The following TGM3 variants were observed in gnomAD, a reference collection of about 807,000 sequenced individuals.
The protein encoded by TGM3 is protein-glutamine gamma-glutamyltransferase E.
A neutral mutation model predicts 73.8 loss-of-function variants in TGM3; 52 were observed. The ratio of observed to expected loss-of-function variants is 0.70; its 90% CI spans 0.56 to 0.89. The LOEUF (loss-of-function observed/expected upper bound fraction) is 0.89, where lower values mean the gene tolerates loss of function less well. Ranked by LOEUF, TGM3 falls within the 40% of genes least tolerant of loss-of-function variation. TGM3 has a pLI of 0.00. For synonymous variants in TGM3, 372 were observed against 354.9 expected (o/e 1.05, Z -0.54); for missense variants, 928 against 909.9 (o/e 1.02, Z -0.26).
chr20:2,328,145 G>C lies in TGM3; in HGVS notation c.1113G>C (p.Ser371=), dbSNP rs150174609. The C allele has an allele frequency of 3.1e-6, 5 of 1,614,120 alleles. No homozygotes were observed. The South Asian group carries it at 3.3e-5, about 11-fold the overall frequency. ...GGGTGTTCCAGTGCGGCCCCGCTTCGGTCATTGGTGTTCGAGAGGGTGATG... is the reference window on the plus strand; with the variant it reads ...GGGTGTTCCAGTGCGGCCCCGCTTCCGTCATTGGTGTTCGAGAGGGTGATG... ...SQGVFQCGPA[S]VIGVREGDVQ... The change falls in exon 9 of 13, where the codon TCG becomes TCC. Residue 371 remains serine, a synonymous_variant. Transcript: ENST00000381458. The surrounding 1 kb of genome is among the most constrained non-coding windows in gnomAD (Gnocchi z 5.2).
At chr20:2,321,424 G>C (rs1172305726) in intron 7 of TGM3, among the ~76,000 whole-genome samples, 3 of 152,132 alleles carry the variant, frequency 2.0e-5, no homozygotes, top group Non-Finnish European at 4.4e-5. Context: ...TTTTGGCAGA[G>C]GTAGTATCTG....
rs543600653 is a variant in TGM3, at chr20:2,325,724, G to A, written c.984-125G>A. 1.5e-3 allele frequency: 1,086 copies of A among 714,624 alleles called. 17 individuals are homozygous for A. In the South Asian group the frequency reaches 0.016, roughly 11 times the overall value. 44.3% of individuals were successfully genotyped at this position (714,624 alleles called of 1,614,324 possible). On this transcript the variant is annotated intron_variant, in intron 7 of 12. Transcript: ENST00000381458. The stretch of plus-strand genomic sequence containing the variant: ...CTCACCAGGGCTTAGCATAACCGCC[G>A]TCACAGGGCAAACTCACTCGATGCA...
chr20:2,337,654 C>T lies in TGM3; in HGVS notation c.1801-2200C>T, dbSNP rs45505497. 3.5e-4 allele frequency among the ~76,000 whole-genome samples: 50 copies of T among 143,480 alleles called. No homozygotes were observed. In the East Asian group the frequency reaches 5.6e-3, roughly 16 times the overall value. 94.1% of individuals were successfully genotyped at this position (143,480 alleles called of 152,430 possible). On this transcript the variant is annotated intron_variant, in intron 11 of 12. Coordinates refer to ENST00000381458, the MANE Select transcript of TGM3 (RefSeq NM_003245.4). ...AGAATTGCTTGAACCCGAGAGGCAG[C>T]GGTTGCAGTGAGCCGAGATCACACC...
chr20:2,312,856 T>C, intron 4 of TGM3, 42 bp from the exon 5 acceptor site: 2 of 1,611,094 alleles, frequency 1.2e-6, no homozygotes, highest in Non-Finnish European at 1.7e-6. Flanking sequence ...CAACTCTCCT[T>C]GTCATTTCTT....
intron 7 of TGM3, among the ~76,000 whole-genome samples, chr20:2,323,831 A>T (rs1007371396): frequency 1.3e-5 from 2 of 152,170 alleles, no homozygotes; most frequent in African/African-American, 4.8e-5. Flanking sequence ...TGAGGTTAAA[A>T]CTATTTTCAT....
intron 3 of TGM3, among the ~76,000 whole-genome samples, 160 bp downstream of exon 3, chr20:2,310,577 A>G (rs2084198606): frequency 6.6e-6 from 1 of 152,248 alleles, no homozygotes; most frequent in Admixed American, 6.5e-5. Context: ...ACACTTAAGC[A>G]GCTGTCTGAG....
At position 2,313,082 on chromosome 20, in the gene TGM3, A is replaced by G. The variant is rs1436545672; in HGVS notation, c.669+56A>G. ...TGTCATCATATATTGAACACCACCT[A>G]TGAGCTAGGCACGCACACTCTTTAC... On this transcript the variant is annotated intron_variant, in intron 5 of 12. Transcript: ENST00000381458. 23 of 1,608,374 alleles carry G rather than the reference A, an allele frequency of 1.4e-5. No homozygotes were observed. The African/African-American group carries it at 1.5e-4, about 10-fold the overall frequency.
intron 1 of TGM3, among the ~76,000 whole-genome samples, chr20:2,306,134 A>G (rs2084175414): frequency 6.6e-6 from 1 of 152,112 alleles, no homozygotes; most frequent in South Asian, 2.1e-4. Flanking sequence ...ACAGCAAACA[A>G]TGCATGAACT....
At chr20:2,310,054 T>A in intron 2 of TGM3, 124 bp from the exon 3 acceptor site, 3 of 1,460,376 alleles carry the variant, frequency 2.1e-6, no homozygotes, top group Non-Finnish European at 2.8e-6. Flanking sequence ...TCCAGTTACT[T>A]CCAGTGGTAG....
Position 2,325,980 on chromosome 20 carries a change from C to G in TGM3, c.1087+28C>G, listed in dbSNP as rs758724894. Reference sequence around the variant, plus strand: ...AACTTCTCTGGGTGTGGTTCTGAGTCGTGAGCCTCACAGTTATTTACAGCC... The same window carrying G: ...AACTTCTCTGGGTGTGGTTCTGAGTGGTGAGCCTCACAGTTATTTACAGCC... On this transcript the variant is annotated intron_variant, in intron 8 of 12. Coordinates refer to ENST00000381458, the MANE Select transcript of TGM3 (RefSeq NM_003245.4). The G allele has an allele frequency of 1.9e-6, 3 of 1,568,650 alleles. No individual in the cohort carries two copies. The East Asian group carries it at 7.0e-5, about 37-fold the overall frequency.
chr20:2,303,582 G>C (rs779973492), intron 1 of TGM3, among the ~76,000 whole-genome samples: 21 of 152,184 alleles, frequency 1.4e-4, no homozygotes, highest in Non-Finnish European at 2.6e-4. Flanking sequence ...TTTTAAAAGA[G>C]AGAGTTCCTG....
chr20:2,308,651 A>G (rs886849655), intron 1 of TGM3, among the ~76,000 whole-genome samples: 7 of 152,286 alleles, frequency 4.6e-5, no homozygotes, highest in African/African-American at 1.7e-4. Context: ...GGATTCCCCA[A>G]TTGCTAGGCC....
intron 1 of TGM3, 102 bp downstream of exon 1, chr20:2,296,172 C>A: frequency 1.3e-5 from 18 of 1,426,734 alleles, no homozygotes; most frequent in Admixed American, 2.0e-5. Context: ...AGCTGCCTGC[C>A]TTGGGGGCTC....
At position 2,340,619 on chromosome 20, in the gene TGM3, C is replaced by T. The variant is rs376526911; in HGVS notation, c.*38C>T. 40 of 1,613,552 alleles carry T rather than the reference C, an allele frequency of 2.5e-5. No homozygotes were observed. The highest frequency in any genetic ancestry group is 5.5e-5 in the South Asian group (5 of 91,040). On this transcript the variant is annotated 3_prime_UTR_variant, in exon 13 of 13. Transcript: ENST00000381458. ...GCCTCCCGTACAAACTTGGACAACACGGAGCAGGGAGAGCTCACCATGGAA... is the reference window on the plus strand; with the variant it reads ...GCCTCCCGTACAAACTTGGACAACATGGAGCAGGGAGAGCTCACCATGGAA...
chr20:2,315,898 A>G (rs1489534038), intron 5 of TGM3, among the ~76,000 whole-genome samples: 2 of 152,228 alleles, frequency 1.3e-5, no homozygotes, highest in Non-Finnish European at 2.9e-5. Flanking sequence ...GGAAAAGTTC[A>G]GACCTACATA....
At chr20:2,319,762 A>G (rs565814970) in intron 7 of TGM3, among the ~76,000 whole-genome samples, 26 of 152,178 alleles carry the variant, frequency 1.7e-4, no homozygotes, top group African/African-American at 6.3e-4. Flanking sequence ...TACTCCCTAC[A>G]CCATTCCCTA....
chr20:2,324,514 CA>C (rs2122236417), intron 7 of TGM3, among the ~76,000 whole-genome samples: 1 of 152,336 alleles, frequency 6.6e-6, no homozygotes, highest in South Asian at 2.1e-4. Flanking sequence ...ACTCAACATG[CA>C]AACTGTCTCC....
chr20:2,308,786 G>A (rs1024072822), intron 1 of TGM3, among the ~76,000 whole-genome samples: 3 of 152,160 alleles, frequency 2.0e-5, no homozygotes, highest in Non-Finnish European at 2.9e-5. Flanking sequence ...TACTGGAGAG[G>A]CGAAACATGC....
intron 7 of TGM3, among the ~76,000 whole-genome samples, chr20:2,325,487 G>A (rs951699829): frequency 1.3e-5 from 2 of 152,156 alleles, no homozygotes; most frequent in Non-Finnish European, 2.9e-5. Context: ...TTTGCCCCTG[G>A]GTGGCTGGCT....
Sources: allele counts gnomAD v4.1 joint callset (sites outside exome capture counted in the v4.1 genomes callset), GRCh38; gene constraint gnomAD v4.1.1; non-coding constraint Gnocchi (gnomAD v3.1); transcripts MANE v1.5; gene names NCBI Gene and HGNC (gene_info 2026-07-23, HGNC 2026-07-21).